The following WARS2 variants were observed in gnomAD, a reference collection of about 807,000 sequenced individuals.
WARS2 encodes the protein tryptophan--tRNA ligase, mitochondrial.
Under a neutral mutation model 36.5 loss-of-function variants are expected in WARS2, and 28 were observed. That is an observed-to-expected ratio of 0.77 (90% CI 0.57 to 1.05). WARS2 has a LOEUF of 1.05. WARS2 is among the 50% of genes least tolerant of loss of function. The pLI is 0.00. For synonymous variants in WARS2, 174 were observed against 178.4 expected (o/e 0.98, Z 0.20); for missense variants, 435 against 456.8 (o/e 0.95, Z 0.44).
Position 119,140,604 on chromosome 1 carries a change from C to G in WARS2, c.41G>C (p.Ser14Thr). The G allele has an allele frequency of 1.2e-6, 2 of 1,613,930 alleles. No homozygotes were observed. The highest frequency in any genetic ancestry group is 8.5e-7 in the Non-Finnish European group (1 of 1,179,878). The change falls in exon 1 of 6, where the codon AGC becomes ACC. Residue 14 changes from serine to threonine, a missense_variant. Physicochemically the swap from Ser to Thr is moderately conservative, Grantham distance 58. Transcript: ENST00000235521. ...HSMRKARERW[S>T]FIRALHKGSA... The stretch of plus-strand genomic sequence containing the variant: ...TCCCTTATGAAGTGCCCGGATGAAG[C>G]TCCAGCGCTCACGCGCTTTCCGCAT...
intron 2 of WARS2, among the ~76,000 whole-genome samples, chr1:119,065,160 A>G (rs1245168122): frequency 6.6e-6 from 1 of 152,152 alleles, no homozygotes; most frequent in Non-Finnish European, 1.5e-5. Flanking sequence ...ATAATAGTGA[A>G]AATTAGAAAT....
intron 1 of WARS2, among the ~76,000 whole-genome samples, chr1:119,132,631 GT>G (rs1656196922): frequency 6.6e-6 from 1 of 152,150 alleles, no homozygotes; most frequent in East Asian, 1.9e-4. Flanking sequence ...GGGGTCCAAA[GT>G]AACGTGGTGA....
At chr1:119,056,553 AAT>A (rs1312158185) in intron 2 of WARS2, among the ~76,000 whole-genome samples, 1 of 147,542 alleles carries the variant, frequency 6.8e-6, no homozygotes, top group Non-Finnish European at 1.5e-5. Context: ...ATATATACTA[AAT>A]ATATATATTA....
intron 1 of WARS2, among the ~76,000 whole-genome samples, chr1:119,094,060 C>T (rs1323756089): frequency 1.3e-5 from 2 of 152,178 alleles, no homozygotes; most frequent in African/African-American, 4.8e-5. Flanking sequence ...CAGCCATCAA[C>T]TAAGGGGCTA....
At chr1:119,105,358 A>T (rs1654159238) in intron 1 of WARS2, among the ~76,000 whole-genome samples, 1 of 152,222 alleles carries the variant, frequency 6.6e-6, no homozygotes, top group African/African-American at 2.4e-5. Flanking sequence ...TAATTAGGTA[A>T]ATGGAGACAA....
At chr1:119,111,433 T>G (rs1654629337) in intron 1 of WARS2, among the ~76,000 whole-genome samples, 1 of 152,134 alleles carries the variant, frequency 6.6e-6, no homozygotes, top group African/African-American at 2.4e-5. Context: ...GAGGCTGAAG[T>G]TGGGAATCTG....
At chr1:119,063,937 G>A (rs1353248582) in intron 2 of WARS2, 1 of 152,274 alleles carries the variant, frequency 6.6e-6, no homozygotes, top group Non-Finnish European at 1.5e-5. Flanking sequence ...ACTGCCTAGT[G>A]GAGCTGTGAG....
Position 119,042,359 on chromosome 1 carries a change from G to A in WARS2, c.430-10C>T, listed in dbSNP as rs1220057587. ...GCTTGGTAGTCTTTGCCTGTGAGAG[G>A]TGAAAAGAGAGGAGGGGAAGAAATC... On this transcript the variant is annotated splice_polypyrimidine_tract_variant and intron_variant, in intron 3 of 5. Coordinates refer to ENST00000235521, the MANE Select transcript of WARS2 (RefSeq NM_015836.4). 4 of 1,612,990 alleles carry A rather than the reference G, an allele frequency of 2.5e-6. No individual in the cohort carries two copies. In the East Asian group the frequency reaches 8.9e-5, roughly 36 times the overall value.
chr1:119,096,343 C>A (rs1195497752), intron 1 of WARS2, among the ~76,000 whole-genome samples: 10 of 152,028 alleles, frequency 6.6e-5, no homozygotes, highest in Non-Finnish European at 1.0e-4. Flanking sequence ...AAATAATGTT[C>A]TCCTTAATAT....
intron 1 of WARS2, among the ~76,000 whole-genome samples, chr1:119,086,962 T>C (rs1652720102): frequency 1.3e-5 from 2 of 152,242 alleles, no homozygotes; most frequent in East Asian, 3.9e-4. Flanking sequence ...GGAACTCTCC[T>C]TGGTCATTAA....
At chr1:119,074,801 G>A (rs1288643629) in intron 2 of WARS2, among the ~76,000 whole-genome samples, 31 of 152,108 alleles carry the variant, frequency 2.0e-4, no homozygotes, top group Non-Finnish European at 2.9e-5. Context: ...ATACTACACA[G>A]TCATAACAAG....
At chr1:119,060,626 C>T (rs1650294701) in intron 2 of WARS2, among the ~76,000 whole-genome samples, 1 of 152,160 alleles carries the variant, frequency 6.6e-6, no homozygotes, top group Admixed American at 6.5e-5. Flanking sequence ...ATATAAAAAT[C>T]AACGGCCTGA....
At chr1:119,058,488 G>A (rs1336537842) in intron 2 of WARS2, among the ~76,000 whole-genome samples, 1 of 122,376 alleles carries the variant, frequency 8.2e-6, no homozygotes, top group Non-Finnish European at 1.6e-5. Flanking sequence ...TCCCCAGAGT[G>A]TGATATTCCC....
intron 1 of WARS2, among the ~76,000 whole-genome samples, chr1:119,129,961 T>A (rs988576977): frequency 6.6e-6 from 1 of 152,170 alleles, no homozygotes; most frequent in East Asian, 1.9e-4. Context: ...TCTGCATTTA[T>A]CAAGGTGCAA....
chr1:119,062,112 T>C (rs1379688784), intron 2 of WARS2, among the ~76,000 whole-genome samples: 1 of 152,184 alleles, frequency 6.6e-6, no homozygotes, highest in Non-Finnish European at 1.5e-5. Context: ...CCCACTGATG[T>C]AGATCTCATC....
At chr1:119,117,231 G>A (rs587627945) in intron 1 of WARS2, among the ~76,000 whole-genome samples, 1 of 152,192 alleles carries the variant, frequency 6.6e-6, no homozygotes, top group South Asian at 2.1e-4. Flanking sequence ...AACTCAATGG[G>A]CCTGAGAACC....
intron 1 of WARS2, among the ~76,000 whole-genome samples, chr1:119,115,423 C>A (rs1415136970): frequency 1.3e-5 from 2 of 152,108 alleles, no homozygotes; most frequent in Non-Finnish European, 2.9e-5. Context: ...GGAGAGCAAA[C>A]CCTGCCTGTG....
chr1:119,077,707 T>G (rs1651857642), intron 1 of WARS2, among the ~76,000 whole-genome samples: 1 of 152,086 alleles, frequency 6.6e-6, no homozygotes, highest in South Asian at 2.1e-4. Flanking sequence ...TATTTTCCCT[T>G]TGGTTTGTAC....
chr1:119,039,229 A>C (rs1648137882), intron 4 of WARS2, among the ~76,000 whole-genome samples: 1 of 152,140 alleles, frequency 6.6e-6, no homozygotes, highest in Non-Finnish European at 1.5e-5. Context: ...AACACATGTC[A>C]AGTCCTTCCT....
Sources: allele counts gnomAD v4.1 joint callset (sites outside exome capture counted in the v4.1 genomes callset), GRCh38; gene constraint gnomAD v4.1.1; transcripts MANE v1.5; gene names NCBI Gene and HGNC (gene_info 2026-07-23, HGNC 2026-07-21).